Variants in GRM8 observed in about 807,000 individuals in gnomAD.
The protein encoded by GRM8 is glutamate metabotropic receptor 8.
In GRM8, 47 loss-of-function variants were observed where a neutral mutation model predicts 87.2. The observed-to-expected ratio is 0.54, with a 90% CI of 0.43 to 0.69. The LOEUF is 0.69. Among genes scored for constraint, GRM8 ranks in the 30% least tolerant of loss-of-function variants. The pLI is 0.00. For missense variants in GRM8, 1,019 were observed against 1,139.2 expected (o/e 0.89, Z 1.52); for synonymous variants, 396 against 404.5 (o/e 0.98, Z 0.25).
chr7:126,887,702 C>G (rs1472825323), intron 6 of GRM8, among the ~76,000 whole-genome samples: 1 of 152,050 alleles, frequency 6.6e-6, no homozygotes, highest in Admixed American at 6.6e-5. Flanking sequence ...TCCTCATAAT[C>G]ATCTGTCCTA....
At chr7:126,753,085 G>T (rs1946116) in intron 7 of GRM8, among the ~76,000 whole-genome samples, 121,381 of 151,886 alleles carry the variant, frequency 0.8, 49,460 homozygotes, top group Non-Finnish European at 0.89. Context: ...ATTGGCTATC[G>T]TCAGAGCAAT....
At chr7:127,228,940 G>A (rs568912553) in intron 2 of GRM8, 2 of 152,112 alleles carry the variant, frequency 1.3e-5, no homozygotes, top group East Asian at 1.9e-4. Flanking sequence ...AAATATTAAC[G>A]CTATTAATTT....
At chr7:127,136,565 G>A (rs1041826253) in intron 2 of GRM8, among the ~76,000 whole-genome samples, 1 of 151,932 alleles carries the variant, frequency 6.6e-6, no homozygotes, top group African/African-American at 2.4e-5. Context: ...TCCACTGAAG[G>A]GATATATTTT....
chr7:126,971,791 G>A (rs568933974), intron 3 of GRM8, among the ~76,000 whole-genome samples: 4 of 152,230 alleles, frequency 2.6e-5, no homozygotes, highest in Admixed American at 1.3e-4. Flanking sequence ...AATAAGATCC[G>A]GGTGTATAAG....
At chr7:127,234,724 C>T (rs186595032) in intron 2 of GRM8, among the ~76,000 whole-genome samples, 26 of 152,266 alleles carry the variant, frequency 1.7e-4, no homozygotes, top group South Asian at 1.2e-3. Context: ...TGCAGGTGGG[C>T]TCAGGAACGC....
At chr7:126,890,335 C>T (rs1247547857) in intron 6 of GRM8, among the ~76,000 whole-genome samples, 2 of 152,054 alleles carry the variant, frequency 1.3e-5, no homozygotes, top group Non-Finnish European at 2.9e-5. Context: ...TTCCCAACCG[C>T]TCTATGAGGC....
chr7:126,544,556 G>A (rs1463009671), intron 8 of GRM8, among the ~76,000 whole-genome samples: 1 of 151,926 alleles, frequency 6.6e-6, no homozygotes, highest in African/African-American at 2.4e-5. Flanking sequence ...TGTTGCCCAG[G>A]CTGGAATGAG....
intron 6 of GRM8, among the ~76,000 whole-genome samples, chr7:126,900,564 C>A (rs1801975740): frequency 6.6e-6 from 1 of 152,092 alleles, no homozygotes; most frequent in Admixed American, 6.5e-5. Context: ...AGGCTGGGTG[C>A]AGTGGTGCAA....
Position 126,651,314 on chromosome 7 carries a change from GA to G in GRM8, c.1358-41817del, listed in dbSNP as rs1322450905. On this transcript the variant is annotated intron_variant, in intron 7 of 10. Transcript: ENST00000339582. ...TCATCCTGAAGCAGCTGGATTGACA[GA>G]ATGGCAGAATGGCCTTTTGAAGTCA... Among the ~76,000 whole-genome samples, 18 of 152,330 alleles carry G rather than the reference GA, an allele frequency of 1.2e-4. No individual in the cohort carries two copies. The East Asian group carries it at 3.3e-3, about 28-fold the overall frequency.
intron 2 of GRM8, among the ~76,000 whole-genome samples, chr7:127,127,129 A>G (rs1358289541): frequency 6.6e-6 from 1 of 151,988 alleles, no homozygotes; most frequent in African/African-American, 2.4e-5. Context: ...GAGAATGCAA[A>G]TTGCTACAAC....
chr7:127,181,035 G>A (rs1225795704), intron 2 of GRM8, among the ~76,000 whole-genome samples: 1 of 151,986 alleles, frequency 6.6e-6, no homozygotes, highest in Non-Finnish European at 1.5e-5. Flanking sequence ...ATCCAAATCA[G>A]TAAAGAGAAA....
intron 9 of GRM8, among the ~76,000 whole-genome samples, chr7:126,456,439 C>T (rs1033410365): frequency 1.4e-5 from 2 of 139,610 alleles, no homozygotes; most frequent in African/African-American, 5.4e-5. Flanking sequence ...TAGGGTACTA[C>T]AGAGAAGTAA....
intron 2 of GRM8, among the ~76,000 whole-genome samples, chr7:127,153,379 A>C (rs1270837589): frequency 6.6e-6 from 1 of 152,190 alleles, no homozygotes; most frequent in Non-Finnish European, 1.5e-5. Context: ...ATGAGAATGT[A>C]GAAGATCAAA....
intron 8 of GRM8, among the ~76,000 whole-genome samples, chr7:126,582,465 T>C (rs1795701466): frequency 6.6e-6 from 1 of 152,172 alleles, no homozygotes; most frequent in Admixed American, 6.5e-5. Context: ...TAGCAAGTAC[T>C]CATATGGGAG....
chr7:126,720,226 C>T (rs1812235702), intron 7 of GRM8, among the ~76,000 whole-genome samples: 1 of 151,580 alleles, frequency 6.6e-6, no homozygotes, highest in Non-Finnish European at 1.5e-5. Flanking sequence ...ATTGCAGCCT[C>T]AACTTCCTGG....
intron 6 of GRM8, among the ~76,000 whole-genome samples, chr7:126,838,547 A>C (rs1796001734): frequency 6.6e-6 from 1 of 152,194 alleles, no homozygotes; most frequent in Non-Finnish European, 1.5e-5. Context: ...AAGTTCTTGA[A>C]GGCCCCTAGA....
chr7:126,619,790 G>A (rs964768678), intron 7 of GRM8, among the ~76,000 whole-genome samples: 16 of 151,996 alleles, frequency 1.1e-4, no homozygotes, highest in Non-Finnish European at 2.2e-4. Flanking sequence ...TCCTAGGATC[G>A]AGGGATCCTC....
At chr7:126,787,202 A>AT (rs1419630776) in intron 6 of GRM8, among the ~76,000 whole-genome samples, 1 of 152,174 alleles carries the variant, frequency 6.6e-6, no homozygotes, top group Admixed American at 6.5e-5. Context: ...CTCTGAGTGC[A>AT]TTTTGTCAAC....
chr7:126,533,300 A>C lies in GRM8; in HGVS notation c.2082T>G (p.Ser694=). The C allele has an allele frequency of 6.2e-7, 1 of 1,613,440 alleles. No individual in the cohort carries two copies. Among genetic ancestry groups the C allele is most frequent in the Non-Finnish European group, 8.5e-7 (1 of 1,179,644 alleles). Residue 694 remains serine (S), a synonymous_variant, in exon 9 of 11, where the codon TCT becomes TCG. Coordinates refer to ENST00000339582, the MANE Select transcript of GRM8 (RefSeq NM_000845.3). The stretch of plus-strand genomic sequence containing the variant: ...TGAGGCTGAAGGTGATCACCAGCTG[A>C]GATGCTGGACTAATGAACTTGGGCG... ...VTAPKFISPA[S]QLVITFSLIS...
Sources: allele counts gnomAD v4.1 joint callset (sites outside exome capture counted in the v4.1 genomes callset), GRCh38; gene constraint gnomAD v4.1.1; transcripts MANE v1.5; gene names NCBI Gene and HGNC (gene_info 2026-07-23, HGNC 2026-07-21).